Variants in SLCO1A2 observed in about 807,000 individuals in gnomAD.
SLCO1A2 encodes the protein solute carrier organic anion transporter family member 1A2, also known as OATP-1.
In SLCO1A2, 67 loss-of-function variants were observed where a neutral mutation model predicts 69.0. The observed-to-expected ratio is 0.97, with a 90% confidence interval of 0.80 to 1.19. The LOEUF (loss-of-function observed/expected upper bound fraction) is 1.19. Ranked by LOEUF, SLCO1A2 falls within the 50% of genes most tolerant of loss-of-function variation. The pLI, the probability that SLCO1A2 is intolerant of heterozygous loss-of-function variation, is 0.00. For missense variants in SLCO1A2, 787 were observed against 793.7 expected (o/e 0.99, Z 0.10); for synonymous variants, 260 against 265.9 (o/e 0.98, Z 0.22).
intron 2 of SLCO1A2, among the ~76,000 whole-genome samples, chr12:21,356,677 G>A (rs1162742210): frequency 1.3e-5 from 2 of 152,100 alleles, no homozygotes; most frequent in East Asian, 3.8e-4. Context: ...CACCCAATGA[G>A]TAAAACAACT....
intron 5 of SLCO1A2, among the ~76,000 whole-genome samples, chr12:21,305,951 A>G (rs1949326654): frequency 6.6e-6 from 1 of 152,250 alleles, no homozygotes. Flanking sequence ...AGAAGATTAT[A>G]CAAGTCTCTT....
chr12:21,302,692 G>A (rs1479678182), intron 6 of SLCO1A2, among the ~76,000 whole-genome samples: 1 of 152,054 alleles, frequency 6.6e-6, no homozygotes, highest in Non-Finnish European at 1.5e-5. Context: ...GAGTAGCTGG[G>A]ATTATAGGCA....
chr12:21,332,420 T>A (rs754257855), intron 2 of SLCO1A2, among the ~76,000 whole-genome samples: 1 of 152,104 alleles, frequency 6.6e-6, no homozygotes, highest in Non-Finnish European at 1.5e-5. Context: ...GCAGGCTTCA[T>A]AGAGAATGGA....
At chr12:21,313,847 C>T (rs1385021579) in intron 4 of SLCO1A2, among the ~76,000 whole-genome samples, 2 of 151,962 alleles carry the variant, frequency 1.3e-5, no homozygotes, top group African/African-American at 2.4e-5. Context: ...CCTGTAGTCC[C>T]AGCTACTCAG....
chr12:21,287,174 A>C (rs1286962846), intron 12 of SLCO1A2, among the ~76,000 whole-genome samples: 1 of 139,408 alleles, frequency 7.2e-6, no homozygotes, highest in Non-Finnish European at 1.5e-5. Flanking sequence ...GAAAAAAACA[A>C]ACAACCCCAT....
At chr12:21,399,003 G>T (rs1333287327), upstream of SLCO1A2, among the ~76,000 whole-genome samples, 6 of 149,956 alleles carry the variant, frequency 4.0e-5, no homozygotes, top group South Asian at 2.1e-4. Flanking sequence ...CTATTCAACA[G>T]AGTGTTGGAA....
At chr12:21,408,263 T>G (rs986082600) in intron 1 of SLCO1A2, among the ~76,000 whole-genome samples, 69 of 152,196 alleles carry the variant, frequency 4.5e-4, no homozygotes, top group African/African-American at 1.6e-3. Flanking sequence ...ATAATGTCCC[T>G]TAGTCATAAA....
upstream of SLCO1A2, among the ~76,000 whole-genome samples, chr12:21,399,020 G>C (rs2137183384): frequency 1.3e-5 from 2 of 149,788 alleles, no homozygotes; most frequent in Non-Finnish European, 1.5e-5. Context: ...GGAAGTTCTG[G>C]CCAGGGCAAT....
chr12:21,405,758 TC>T (rs1941813868), intron 1 of SLCO1A2, among the ~76,000 whole-genome samples: 1 of 152,092 alleles, frequency 6.6e-6, no homozygotes, highest in Admixed American at 6.5e-5. Context: ...AAAAATTAAC[TC>T]CAGATGGACT....
At chr12:21,380,412 T>A (rs1426442427) in intron 1 of SLCO1A2, among the ~76,000 whole-genome samples, 2 of 152,190 alleles carry the variant, frequency 1.3e-5, no homozygotes, top group African/African-American at 2.4e-5. Flanking sequence ...TAAAACATAG[T>A]TAGAGTGACT....
intron 12 of SLCO1A2, among the ~76,000 whole-genome samples, chr12:21,282,368 TGATAA>T (rs1944947759): frequency 1.3e-5 from 2 of 151,540 alleles, no homozygotes; most frequent in Non-Finnish European, 2.9e-5. Flanking sequence ...AAAAAACATT[TGATAA>T]GATTCAGCAT....
intron 2 of SLCO1A2, chr12:21,319,602 C>A: frequency 3.8e-6 from 2 of 530,184 alleles, no homozygotes; most frequent in Admixed American, 3.2e-5. Context: ...TGGAGGACCA[C>A]ACAAAAATGA....
intron 2 of SLCO1A2, among the ~76,000 whole-genome samples, chr12:21,345,344 T>G (rs756019735): frequency 1.3e-5 from 2 of 152,192 alleles, no homozygotes; most frequent in East Asian, 3.9e-4. Flanking sequence ...ATTCTTATGA[T>G]GTAAGCAAAG....
intron 2 of SLCO1A2, among the ~76,000 whole-genome samples, chr12:21,356,461 G>C (rs971637051): frequency 6.6e-6 from 1 of 151,582 alleles, no homozygotes; most frequent in Non-Finnish European, 1.5e-5. Context: ...AACAATAGAA[G>C]AACGGGCACA....
intron 1 of SLCO1A2, among the ~76,000 whole-genome samples, chr12:21,384,251 G>A (rs1480053145): frequency 1.3e-5 from 2 of 152,100 alleles, no homozygotes; most frequent in African/African-American, 2.4e-5. Context: ...ACAAAACAAT[G>A]CAGAGAAAGC....
rs535235432 is a variant in SLCO1A2, at chr12:21,413,669, C to A, written c.-312+4213G>T. ...GGAAATCAGTGCCCAGACATCAAAG[C>A]TAGAAATGAAAACATGGTCATCAGG... On this transcript the variant is annotated intron_variant, in intron 1 of 4. Coordinates refer to the SLCO1A2 transcript ENST00000413682. 4.6e-5 allele frequency among the ~76,000 whole-genome samples: 7 copies of A among 152,198 alleles called. No individual in the cohort carries two copies. In the South Asian group the frequency reaches 1.5e-3, roughly 32 times the overall value.
intron 1 of SLCO1A2, among the ~76,000 whole-genome samples, chr12:21,400,866 G>A (rs1251289607): frequency 7.8e-6 from 1 of 127,680 alleles, no homozygotes; most frequent in Non-Finnish European, 1.6e-5. Context: ...ATCACACTCT[G>A]GGGACTGTTG....
chr12:21,319,432 T>A, intron 2 of SLCO1A2: 1 of 1,367,844 alleles, frequency 7.3e-7, no homozygotes, highest in South Asian at 1.1e-5. Flanking sequence ...ACATTCTGCA[T>A]TCTCAGCAAT....
intron 2 of SLCO1A2, among the ~76,000 whole-genome samples, chr12:21,360,612 G>A (rs1938767141): frequency 6.6e-6 from 1 of 152,214 alleles, no homozygotes; most frequent in Non-Finnish European, 1.5e-5. Flanking sequence ...GGAAGCACAA[G>A]GGGTGGGGGA....
Sources: gnomAD v4.1 joint callset for allele counts (sites outside exome capture counted in the v4.1 genomes callset) on GRCh38, gnomAD v4.1.1 for gene constraint, MANE v1.5 for transcripts, NCBI Gene and HGNC (gene_info 2026-07-23, HGNC 2026-07-21) for gene names.